CELF1: variants seen among roughly 807,000 people sequenced by gnomAD.
CELF1 encodes the protein CUGBP Elav-like family member 1, also known as 50 kDa nuclear polyadenylated RNA-binding protein.
CELF1 carries 10 observed loss-of-function variants against 61.8 expected under a neutral mutation model. The observed-to-expected ratio is 0.16, with a 90% CI of 0.10 to 0.27. CELF1 has a LOEUF of 0.27. CELF1 is among the 10% of genes least tolerant of loss of function. The probability of loss-of-function intolerance (pLI) is 1.00; values close to 1 mark genes in which losing one functional copy is unlikely to be tolerated. For missense variants in CELF1, 380 were observed against 639.1 expected (o/e 0.59, Z 4.37); for synonymous variants, 236 against 225.1 (o/e 1.05, Z -0.43).
At chr11:47,535,362 G>GT (rs1218982379) in intron 1 of CELF1, among the ~76,000 whole-genome samples, 1 of 152,060 alleles carries the variant, frequency 6.6e-6, no homozygotes, top group Non-Finnish European at 1.5e-5. Flanking sequence ...GTAGGCAATA[G>GT]TTATTAAGAT....
At chr11:47,518,554 A>G (rs967001790) in intron 1 of CELF1, among the ~76,000 whole-genome samples, 1 of 152,238 alleles carries the variant, frequency 6.6e-6, no homozygotes, top group African/African-American at 2.4e-5. Context: ...GGCTCTAGAG[A>G]ACAGAAGACA....
chr11:47,535,651 C>T (rs1004237987), intron 1 of CELF1, among the ~76,000 whole-genome samples: 1 of 147,012 alleles, frequency 6.8e-6, no homozygotes, highest in African/African-American at 2.6e-5. Flanking sequence ...TGCACTCCAG[C>T]CTGGGCAACA....
At chr11:47,542,471 C>A (rs1397472321) in intron 1 of CELF1, among the ~76,000 whole-genome samples, 1 of 151,800 alleles carries the variant, frequency 6.6e-6, no homozygotes, top group Non-Finnish European at 1.5e-5. Context: ...ACTAAAAAAA[C>A]CTCATCATTC....
Position 47,467,600 on chromosome 11 carries a change from T to C in CELF1, c.*4630A>G, listed in dbSNP as rs946754305. 3.9e-5 allele frequency: 6 copies of C among 152,278 alleles called. No individual in the cohort carries two copies. The highest frequency in any genetic ancestry group is 7.3e-5 in the Non-Finnish European group (5 of 68,170). 9.4% of individuals were successfully genotyped at this position (152,278 alleles called of 1,614,324 possible). On this transcript the variant is annotated 3_prime_UTR_variant, in exon 15 of 15. Transcript: ENST00000687097. ...TGTGCAGATGGCCTCCTACGGGTGA[T>C]TGGGAGCGCCCTCCTTCCTCCAGGT... is the stretch of plus-strand genomic sequence containing the variant.
At chr11:47,510,257 A>C (rs943594323) in intron 1 of CELF1, among the ~76,000 whole-genome samples, 2 of 152,192 alleles carry the variant, frequency 1.3e-5, no homozygotes, top group Admixed American at 6.5e-5. Flanking sequence ...TAGAATAGGC[A>C]AGGTAATAAG....
Position 47,467,473 on chromosome 11 carries a change from G to C in CELF1, c.*4757C>G, listed in dbSNP as rs1206120610. ...AGCAAGAGCAGAGCTGTGATGAAGA[G>C]CCAGTGCCGGGTGGCTGGTGCCCAG... On this transcript the variant is annotated 3_prime_UTR_variant, in exon 15 of 15. Transcript: ENST00000687097. 3 of 152,342 alleles carry C rather than the reference G, an allele frequency of 2.0e-5. No individual in the cohort carries two copies. The highest frequency in any genetic ancestry group is 2.1e-4 in the South Asian group (1 of 4,834). 9.4% of individuals were successfully genotyped at this position (152,342 alleles called of 1,614,324 possible).
chr11:47,474,100 T>C (rs1596067187), intron 13 of CELF1, among the ~76,000 whole-genome samples: 1 of 152,174 alleles, frequency 6.6e-6, no homozygotes, highest in South Asian at 2.1e-4. Flanking sequence ...GGTTTCACCA[T>C]GTTGGTCAGG....
intron 4 of CELF1, 114 bp downstream of exon 4, chr11:47,488,723 A>G (rs1596534717): frequency 1.3e-6 from 1 of 761,624 alleles, no homozygotes; most frequent in Non-Finnish European, 2.0e-6. Context: ...AATGCACATG[A>G]AAGAAATTAC....
intron 5 of CELF1, 134 bp from the exon 6 acceptor site, chr11:47,486,932 C>T: frequency 2.6e-6 from 2 of 775,592 alleles, no homozygotes; most frequent in South Asian, 1.6e-5. Context: ...GATCTTTCCC[C>T]AGAAAACAGA....
rs183557423 is a variant in CELF1 at position 47,561,311 on chromosome 11, C to T, written c.-11+3040G>A. On this transcript the variant is annotated intron_variant, in intron 2 of 3. Coordinates refer to the CELF1 transcript ENST00000525841. ...ACAAAAAATAAGCCGGGTGTGGTAGCGGGCGCCTGTAGTCCCAGCTACTTG... is the reference window on the plus strand; with the variant it reads ...ACAAAAAATAAGCCGGGTGTGGTAGTGGGCGCCTGTAGTCCCAGCTACTTG... Among the ~76,000 whole-genome samples the T allele has an allele frequency of 2.1e-3, 296 of 142,504 alleles. 1 individual carries two copies. Among genetic ancestry groups the T allele is most frequent in the Middle Eastern group, 0.016 (4 of 252 alleles). The allele number at this position is 142,504 out of a possible 152,430, so 93.5% of individuals were successfully genotyped here. A position where few individuals can be genotyped will look rare whatever the true frequency, so the allele number is the denominator to read the frequency against.
chr11:47,476,818 C>CT, intron 12 of CELF1, 28 bp downstream of exon 12: 1 of 1,540,282 alleles, frequency 6.5e-7, no homozygotes, highest in Non-Finnish European at 9.0e-7. Flanking sequence ...AAAGAATAGT[C>CT]TGATGACAGC....
chr11:47,515,051 C>A (rs2095480623), intron 1 of CELF1, among the ~76,000 whole-genome samples: 1 of 152,124 alleles, frequency 6.6e-6, no homozygotes, highest in Admixed American at 6.5e-5. Context: ...GCAGTACTGT[C>A]AACAATGGAC....
intron 3 of CELF1, among the ~76,000 whole-genome samples, chr11:47,495,399 TGGA>T (rs981832276): frequency 1.3e-5 from 2 of 152,044 alleles, no homozygotes; most frequent in Non-Finnish European, 1.5e-5. Context: ...AAGGGAGACA[TGGA>T]GAAGAAGAGG....
chr11:47,476,992 A>G, intron 11 of CELF1, 33 bp from the exon 12 acceptor site: 4 of 1,538,238 alleles, frequency 2.6e-6, no homozygotes, highest in Non-Finnish European at 3.6e-6. Flanking sequence ...AATTCAACCC[A>G]TCACTGGCAT....
At chr11:47,518,944 G>C (rs1346004638) in intron 1 of CELF1, among the ~76,000 whole-genome samples, 2 of 152,156 alleles carry the variant, frequency 1.3e-5, no homozygotes, top group Non-Finnish European at 2.9e-5. Context: ...TGTTTCAGGA[G>C]CTTTGCCCTG....
chr11:47,512,650 A>C (rs1326981680), intron 1 of CELF1, among the ~76,000 whole-genome samples: 1 of 152,050 alleles, frequency 6.6e-6, no homozygotes, highest in African/African-American at 2.4e-5. Context: ...CAAACTTTTA[A>C]CTGGAAAAGA....
chr11:47,494,266 G>T, intron 3 of CELF1: 2 of 441,590 alleles, frequency 4.5e-6, no homozygotes, highest in East Asian at 1.6e-4. Context: ...AGGGGAAAGG[G>T]ATGAAACCTA....
intron 14 of CELF1, 53 bp from the exon 15 acceptor site, chr11:47,472,410 C>A: frequency 9.4e-6 from 15 of 1,588,968 alleles, no homozygotes; most frequent in Non-Finnish European, 1.2e-5. Flanking sequence ...CAAGGAGATT[C>A]TCAGTCCTCC....
chr11:47,536,297 C>T (rs575883728), intron 1 of CELF1, among the ~76,000 whole-genome samples: 5 of 152,122 alleles, frequency 3.3e-5, no homozygotes, highest in Admixed American at 6.6e-5. Flanking sequence ...ACCCGGGAGG[C>T]GGAGGTTGCA....
Sources: allele counts gnomAD v4.1 joint callset (sites outside exome capture counted in the v4.1 genomes callset), GRCh38; gene constraint gnomAD v4.1.1; transcripts MANE v1.5; gene names NCBI Gene and HGNC (gene_info 2026-07-23, HGNC 2026-07-21).